The following CYP2B6 variants were observed in gnomAD, a reference collection of about 807,000 sequenced individuals.
CYP2B6 encodes the protein cytochrome P450 family 2 subfamily B member 6.
Under a neutral mutation model 43.4 loss-of-function variants are expected in CYP2B6, and 35 were observed. The observed-to-expected ratio is 0.81, with a 90% confidence interval of 0.62 to 1.07. The LOEUF is 1.07. Ranked by LOEUF, CYP2B6 falls within the 50% of genes least tolerant of loss-of-function variation. The probability of loss-of-function intolerance (pLI) is 0.00; values close to 1 mark genes in which losing one functional copy is unlikely to be tolerated. For missense variants in CYP2B6, 624 were observed against 632.8 expected, an observed-to-expected ratio of 0.99 and a Z score of 0.15; for synonymous variants, 239 against 239.2, an observed-to-expected ratio of 1.00 and a Z score of 0.01.
chr19:41,007,824 C>T (rs1969216739), intron 4 of CYP2B6, among the ~76,000 whole-genome samples: 1 of 151,992 alleles, frequency 6.6e-6, no homozygotes, highest in South Asian at 2.1e-4. Flanking sequence ...CGGGGTTTCG[C>T]CATGTTGGCC....
intron 8 of CYP2B6, chr19:41,013,066 C>T (rs1969309780): frequency 2.0e-6 from 1 of 510,572 alleles, no homozygotes. Context: ...TCAGTGAGTT[C>T]ATTTTCTTAA....
At position 40,991,303 on chromosome 19, in the gene CYP2B6, A is replaced by C. The variant is rs775274878; in HGVS notation, c.-3A>C. On this transcript the variant is annotated 5_prime_UTR_variant, in exon 1 of 9. Coordinates refer to ENST00000324071, the MANE Select transcript of CYP2B6 (RefSeq NM_000767.5). ...CAGGGTGCAGGGCAGTCAGACCAGG[A>C]CCATGGAACTCAGCGTCCTCCTCTT... The C allele has an allele frequency of 1.9e-6, 3 of 1,614,014 alleles. No homozygotes were observed. The South Asian group carries it at 3.3e-5, about 18-fold the overall frequency.
rs150742423 is a variant in CYP2B6 at position 40,991,359 on chromosome 19, C to A, written c.54C>A (p.Leu18=). Reference sequence around the variant, plus strand: ...CACTCCTCACAGGACTCTTGCTACTCCTGGTTCAGCGCCACCCTAACACCC... The same window carrying A: ...CACTCCTCACAGGACTCTTGCTACTACTGGTTCAGCGCCACCCTAACACCC... ...FLALLTGLLL[L]LVQRHPNTHD... Residue 18 remains leucine, a synonymous_variant, in exon 1 of 9, where the codon CTC becomes CTA. Transcript: ENST00000324071. 5.8e-4 allele frequency: 929 copies of A among 1,613,980 alleles called. No individual in the cohort carries two copies. The highest frequency in any genetic ancestry group is 5.4e-4 in the Non-Finnish European group (636 of 1,179,912).
At chr19:41,005,721 C>T (rs557426941) in intron 3 of CYP2B6, among the ~76,000 whole-genome samples, 2 of 151,982 alleles carry the variant, frequency 1.3e-5, no homozygotes, top group East Asian at 3.9e-4. Context: ...ATGGAGGTTG[C>T]CGTGAGCTAA....
chr19:41,002,420 A>G (rs1172200537), intron 1 of CYP2B6, among the ~76,000 whole-genome samples: 1 of 152,096 alleles, frequency 6.6e-6, no homozygotes, highest in South Asian at 2.1e-4. Flanking sequence ...GAACATACTC[A>G]TGTAATTGAC....
intron 7 of CYP2B6, 35 bp downstream of exon 7, chr19:41,012,520 T>C: frequency 1.2e-6 from 2 of 1,613,156 alleles, no homozygotes; most frequent in African/African-American, 2.7e-5. Context: ...CCCTCCTGTT[T>C]GGGCATCCTG....
At chr19:41,010,879 G>C (rs142583125) in intron 6 of CYP2B6, among the ~76,000 whole-genome samples, 1 of 152,048 alleles carries the variant, frequency 6.6e-6, no homozygotes, top group Non-Finnish European at 1.5e-5. Flanking sequence ...TCACTCATGA[G>C]TGAGAACATG....
intron 1 of CYP2B6, among the ~76,000 whole-genome samples, chr19:41,003,371 G>A (rs1439815919): frequency 4.6e-5 from 7 of 152,052 alleles, no homozygotes; most frequent in East Asian, 1.9e-4. Flanking sequence ...ATTCGTGTCC[G>A]GGGTGGGACA....
At chr19:40,996,189 C>T (rs1256267956) in intron 1 of CYP2B6, among the ~76,000 whole-genome samples, 1 of 152,012 alleles carries the variant, frequency 6.6e-6, no homozygotes, top group African/African-American at 2.4e-5. Context: ...TTAATATTCT[C>T]TTTTAACTTG....
chr19:41,015,592 A>C (rs1969348157), intron 8 of CYP2B6, among the ~76,000 whole-genome samples: 1 of 152,196 alleles, frequency 6.6e-6, no homozygotes. Flanking sequence ...TCTGTGGTTT[A>C]GAATCTACTG....
At chr19:40,991,605 A>G in intron 1 of CYP2B6, 129 bp downstream of exon 1, 1 of 890,822 alleles carries the variant, frequency 1.1e-6, no homozygotes, top group South Asian at 1.3e-5. Context: ...GTGAGTACGG[A>G]GCATGGTGAA....
rs28969414 is a variant in CYP2B6, at chr19:41,017,171, T to A, written c.*344T>A. On this transcript the variant is annotated 3_prime_UTR_variant, in exon 9 of 9. Transcript: ENST00000324071. ...AACTCTCCTGCCTCAGCCTCCCTAG[T>A]AGCTGGGATTACAGGCATGCACTAC... 5,344 of 173,736 alleles carry A rather than the reference T, an allele frequency of 0.031. 116 individuals are homozygous for A. The highest frequency in any genetic ancestry group is 0.066 in the Middle Eastern group (26 of 392). 10.8% of individuals were successfully genotyped at this position (173,736 alleles called of 1,614,324 possible).
rs1309117672 is a variant in CYP2B6 at position 41,010,064 on chromosome 19, C to T, written c.893C>T (p.Ala298Val). Residue 298 changes from alanine (A) to valine (V), a missense_variant, in exon 6 of 9, where the codon GCT becomes GTT. Transcript: ENST00000324071. ...LNLNTLSLFF[A>V]GTETTSTTLR... ...CTCAACACGCTCTCGCTCTTCTTTG[C>T]TGGCACTGAGACCACCAGCACCACT... 1.2e-6 allele frequency: 2 copies of T among 1,614,016 alleles called. No individual in the cohort carries two copies. Among genetic ancestry groups the T allele is most frequent in the Non-Finnish European group, 1.7e-6 (2 of 1,180,040 alleles).
At chr19:40,995,789 G>A (rs780546998) in intron 1 of CYP2B6, among the ~76,000 whole-genome samples, 1 of 152,100 alleles carries the variant, frequency 6.6e-6, no homozygotes, top group Non-Finnish European at 1.5e-5. Context: ...AGCATGCTTT[G>A]CCTAATGATA....
chr19:40,992,245 C>T (rs1412435956), intron 1 of CYP2B6, among the ~76,000 whole-genome samples: 2 of 146,912 alleles, frequency 1.4e-5, no homozygotes, highest in African/African-American at 2.7e-5. Context: ...AGTTAGGTTG[C>T]AGTTCACTCT....
Position 41,016,978 on chromosome 19 carries a change from T to C in CYP2B6, c.*151T>C. On this transcript the variant is annotated 3_prime_UTR_variant, in exon 9 of 9. Coordinates refer to ENST00000324071, the MANE Select transcript of CYP2B6 (RefSeq NM_000767.5). Reference sequence around the variant, plus strand: ...CCTCCATGGCACCAGTTGTCTGAGGTCACATTGCAAGTGAGTGCAGGAGTG... The same window carrying C: ...CCTCCATGGCACCAGTTGTCTGAGGCCACATTGCAAGTGAGTGCAGGAGTG... The C allele has an allele frequency of 1.4e-6, 1 of 712,128 alleles. No homozygotes were observed. Among genetic ancestry groups the C allele is most frequent in the South Asian group, 1.9e-5 (1 of 53,870 alleles). The allele number at this position is 712,128 out of a possible 1,614,324, so 44.1% of individuals were successfully genotyped here. A position where few individuals can be genotyped will look rare whatever the true frequency, so the allele number is the denominator to read the frequency against.
chr19:41,005,874 T>C (rs1192917295), intron 3 of CYP2B6, among the ~76,000 whole-genome samples: 1 of 150,986 alleles, frequency 6.6e-6, no homozygotes, highest in Non-Finnish European at 1.5e-5. Context: ...CAAAGAGAAA[T>C]TGAGGCAGAG....
rs1568561013 is a variant in CYP2B6, at chr19:41,007,040, C to T, written c.620C>T (p.Ser207Leu). 1.2e-6 allele frequency: 2 copies of T among 1,614,010 alleles called. No homozygotes were observed. The highest frequency in any genetic ancestry group is 1.3e-5 in the African/African-American group (1 of 74,864). The change falls in exon 4 of 9, where the codon TCA (serine) becomes TTA (leucine). Residue 207 changes from serine (S) to leucine (L), a missense_variant. Transcript: ENST00000324071. ...KMLNLFYQTF[S>L]LISSVFGQLF... Reference sequence around the variant, plus strand: ...CTGAACTTGTTCTACCAGACTTTTTCACTCATCAGCTCTGTATTCGGCCAG... The same window carrying T: ...CTGAACTTGTTCTACCAGACTTTTTTACTCATCAGCTCTGTATTCGGCCAG...
chr19:41,001,258 C>T (rs1435090531), intron 1 of CYP2B6, among the ~76,000 whole-genome samples: 1 of 152,028 alleles, frequency 6.6e-6, no homozygotes, highest in Non-Finnish European at 1.5e-5. Context: ...CCCCTCTTTT[C>T]CAAATAGGCA....
Sources: allele counts gnomAD v4.1 joint callset (sites outside exome capture counted in the v4.1 genomes callset), GRCh38; gene constraint gnomAD v4.1.1; transcripts MANE v1.5; gene names NCBI Gene and HGNC (gene_info 2026-07-23, HGNC 2026-07-21).